ASH1L: variants seen among roughly 807,000 people sequenced by gnomAD.
ASH1L encodes the protein ASH1 like histone lysine methyltransferase.
ASH1L carries 23 observed loss-of-function variants against 269.0 expected under a neutral mutation model. The observed-to-expected ratio is 0.09, with a 90% CI of 0.06 to 0.12. The LOEUF (loss-of-function observed/expected upper bound fraction) is 0.12, where lower values mean the gene tolerates loss of function less well. Ranked by LOEUF, ASH1L falls within the 10% of genes least tolerant of loss-of-function variation. The pLI is 1.00. For synonymous variants in ASH1L, 1,187 were observed against 1,253.5 expected (o/e 0.95, Z 1.12); for missense variants, 2,912 against 3,567.8 (o/e 0.82, Z 4.68).
chr1:155,420,199 C>T (rs1242970372), intron 5 of ASH1L, among the ~76,000 whole-genome samples: 3 of 151,616 alleles, frequency 2.0e-5, no homozygotes, highest in Non-Finnish European at 2.9e-5. Context: ...GTGGCACACA[C>T]CTGTAGTCCC....
chr1:155,523,541 T>C (rs1422741848), intron 1 of ASH1L, among the ~76,000 whole-genome samples: 2 of 152,120 alleles, frequency 1.3e-5, no homozygotes, highest in African/African-American at 4.8e-5. Flanking sequence ...GTAAGTAAAA[T>C]ACCTCGCCCA....
chr1:155,363,578 C>T (rs1232915700), intron 12 of ASH1L, among the ~76,000 whole-genome samples: 1 of 152,062 alleles, frequency 6.6e-6, no homozygotes, highest in East Asian at 1.9e-4. Flanking sequence ...CAGGAGTTGG[C>T]AAACTGCTCC....
chr1:155,419,940 G>A (rs2148556302), intron 5 of ASH1L, among the ~76,000 whole-genome samples: 1 of 152,274 alleles, frequency 6.6e-6, no homozygotes, highest in East Asian at 1.9e-4. Flanking sequence ...CAACAATGTT[G>A]CAGAATCCAA....
intron 1 of ASH1L, among the ~76,000 whole-genome samples, chr1:155,522,130 T>C (rs1305226959): frequency 6.6e-6 from 1 of 152,218 alleles, no homozygotes. Flanking sequence ...GCTATGTACC[T>C]ATAAAAATTC....
intron 1 of ASH1L, among the ~76,000 whole-genome samples, chr1:155,546,838 A>G (rs1407118805): frequency 1.3e-5 from 2 of 152,128 alleles, no homozygotes; most frequent in African/African-American, 2.4e-5. Flanking sequence ...CACTTATATA[A>G]CAAAGAATAT....
Position 155,456,682 on chromosome 1 carries a change from G to A in ASH1L, c.5086+3115C>T, listed in dbSNP as rs138835902. 1.2e-3 allele frequency among the ~76,000 whole-genome samples: 188 copies of A among 152,202 alleles called. 2 individuals carry two copies. Among genetic ancestry groups the A allele is most frequent in the African/African-American group, 4.4e-3 (183 of 41,522 alleles). On this transcript the variant is annotated intron_variant, in intron 4 of 27. Transcript: ENST00000392403. ...GATGTCTCTAAAAGTATAAACCACT[G>A]CTTCTAACGGTCTATTCAATATCTC...
intron 3 of ASH1L, among the ~76,000 whole-genome samples, chr1:155,477,162 G>A (rs114657980): frequency 3.3e-3 from 502 of 152,148 alleles, no homozygotes; most frequent in Non-Finnish European, 4.9e-3. Context: ...TCTTTTATTC[G>A]AGTGGCAAAT....
At chr1:155,408,791 GACTTCTTGAGC>G (rs759332969) in intron 6 of ASH1L, among the ~76,000 whole-genome samples, 15 of 151,956 alleles carry the variant, frequency 9.9e-5, no homozygotes, top group Non-Finnish European at 1.9e-4. Context: ...GAGGCAGAAG[GACTTCTTGAGC>G]CCAGGAGTTA....
chr1:155,518,354 T>TA (rs1394406002), intron 2 of ASH1L, among the ~76,000 whole-genome samples: 2 of 152,150 alleles, frequency 1.3e-5, no homozygotes, highest in Non-Finnish European at 1.5e-5. Context: ...GCTATGACAC[T>TA]AATAATACAG....
At chr1:155,544,893 C>T (rs945107923) in intron 1 of ASH1L, among the ~76,000 whole-genome samples, 5 of 151,818 alleles carry the variant, frequency 3.3e-5, no homozygotes, top group Non-Finnish European at 7.4e-5. Context: ...AAACTATTGG[C>T]CGGGCGCAGT....
At chr1:155,503,810 G>A (rs1007489757) in intron 2 of ASH1L, among the ~76,000 whole-genome samples, 6 of 152,084 alleles carry the variant, frequency 3.9e-5, no homozygotes, top group African/African-American at 1.2e-4. Flanking sequence ...CTGCAGCCTC[G>A]ACCTCCTGTG....
At position 155,479,957 on chromosome 1, in the gene ASH1L, G is replaced by C; in HGVS notation, c.2913C>G (p.Thr971=). The part of the protein sequence containing the change: ...DLEMEPDKKI[T]KRNNGQLMKT... ...TCATTAATTGTCCATTGTTTCTCTT[G>C]GTAATTTTTTTATCTGGTTCCATCT... The change falls in exon 3 of 28, where the codon ACC becomes ACG. Residue 971 remains threonine (T), a synonymous_variant. Coordinates refer to ENST00000392403, the MANE Select transcript of ASH1L (RefSeq NM_018489.3). 1 of 1,613,286 alleles carries C rather than the reference G, an allele frequency of 6.2e-7. No individual in the cohort carries two copies. The highest frequency in any genetic ancestry group is 1.1e-5 in the South Asian group (1 of 90,988).
intron 7 of ASH1L, among the ~76,000 whole-genome samples, chr1:155,394,478 T>G (rs1658191479): frequency 6.6e-6 from 1 of 152,198 alleles, no homozygotes; most frequent in South Asian, 2.1e-4. Flanking sequence ...ATCTGTTAGA[T>G]GGCTATTGCA....
intron 5 of ASH1L, among the ~76,000 whole-genome samples, chr1:155,435,275 A>T (rs1237304346): frequency 6.6e-6 from 1 of 152,224 alleles, no homozygotes; most frequent in East Asian, 1.9e-4. Flanking sequence ...CTCATAGCTA[A>T]TATTCAGTAT....
rs374038697 is a variant in ASH1L, at chr1:155,483,554, G to A, written c.421-1105C>T. ...ATTCAAGCACGTATGAAAATGTACT[G>A]CATGGAAAACGCTACAATCTAGTTA... On this transcript the variant is annotated intron_variant, in intron 2 of 27. Transcript: ENST00000392403. Among the ~76,000 whole-genome samples, 183 of 152,160 alleles carry A rather than the reference G, an allele frequency of 1.2e-3. 7 individuals carry two copies. In the South Asian group the frequency reaches 0.036, roughly 30 times the overall value.
chr1:155,545,048 TGTAATCCCAGCTACTC>T (rs1670698004), intron 1 of ASH1L, among the ~76,000 whole-genome samples: 1 of 151,228 alleles, frequency 6.6e-6, no homozygotes, highest in South Asian at 2.1e-4. Flanking sequence ...GGTACATGCC[TGTAATCCCAGCTACTC>T]GGGAGGCTGA....
At chr1:155,546,650 C>T (rs1019684407) in intron 1 of ASH1L, among the ~76,000 whole-genome samples, 14 of 150,376 alleles carry the variant, frequency 9.3e-5, no homozygotes, top group Non-Finnish European at 7.4e-5. Context: ...CCCAGCTACT[C>T]GGGAGGCTGA....
In ASH1L at chr1:155,479,339, G is replaced by C; in HGVS notation, c.3531C>G (p.Leu1177=). Reference sequence around the variant, plus strand: ...AAGGAGTAGCTTCTTTTAGAGATGTGAGTTCACTCAAGTGCGAAGGAGAAT... The same window carrying C: ...AAGGAGTAGCTTCTTTTAGAGATGTCAGTTCACTCAAGTGCGAAGGAGAAT... ...LPNSPSHLSE[L]TSLKEATPSP... The change falls in exon 3 of 28, where the codon CTC becomes CTG. Residue 1177 remains leucine (L), a synonymous_variant. Transcript: ENST00000392403. 6.2e-7 allele frequency: 1 copy of C among 1,614,144 alleles called. No homozygotes were observed. The highest frequency in any genetic ancestry group is 1.6e-4 in the Middle Eastern group (1 of 6,062).
chr1:155,341,211 C>CT lies in ASH1L; in HGVS notation c.8460+724dup, dbSNP rs1212373103. Among the ~76,000 whole-genome samples the CT allele has an allele frequency of 4.0e-5, 6 of 149,884 alleles. No individual in the cohort carries two copies. In the East Asian group the frequency reaches 1.2e-3, roughly 29 times the overall value. On this transcript the variant is annotated intron_variant, in intron 25 of 27. Coordinates refer to ENST00000392403, the MANE Select transcript of ASH1L (RefSeq NM_018489.3). ...TTTTTTTTTGAGACGGAGTCTCGCT[C>CT]TGTCACCCAGGCTGGAGTGCAGTGG...
Sources: gnomAD v4.1 joint callset for allele counts (sites outside exome capture counted in the v4.1 genomes callset) on GRCh38, gnomAD v4.1.1 for gene constraint, MANE v1.5 for transcripts, NCBI Gene and HGNC (gene_info 2026-07-23, HGNC 2026-07-21) for gene names.